The following NCKAP5 variants were observed in gnomAD, a reference collection of about 807,000 sequenced individuals.
NCKAP5 encodes NCK associated protein 5.
NCKAP5 carries 92 observed loss-of-function variants against 167.0 expected under a neutral mutation model. That is an observed-to-expected ratio of 0.55 (90% confidence interval 0.47 to 0.66). The LOEUF (loss-of-function observed/expected upper bound fraction) is 0.66. NCKAP5 is among the 30% of genes least tolerant of loss of function. The pLI is 0.00. For missense variants in NCKAP5, 2,378 were observed against 2,315.0 expected (o/e 1.03, Z -0.56); for synonymous variants, 891 against 877.4 (o/e 1.02, Z -0.27).
Position 133,386,869 on chromosome 2 carries a change from C to T in NCKAP5, c.70-83759G>A, listed in dbSNP as rs193246054. Among the ~76,000 whole-genome samples the T allele has an allele frequency of 7.7e-4, 117 of 152,096 alleles. 1 individual carries two copies. The highest frequency in any genetic ancestry group is 2.8e-3 in the African/African-American group (115 of 41,496). On this transcript the variant is annotated intron_variant, in intron 3 of 19. Coordinates refer to ENST00000409261, the MANE Select transcript of NCKAP5 (RefSeq NM_207363.3). ...TTTATCAGAGACTAGGATTGCAACC[C>T]CTGCCTTTTTTTTGTTTTCCTTTTG...
intron 3 of NCKAP5, among the ~76,000 whole-genome samples, chr2:133,429,007 T>A (rs1236674452): frequency 6.6e-6 from 1 of 152,146 alleles, no homozygotes; most frequent in Non-Finnish European, 1.5e-5. Flanking sequence ...CAGCAGTCAC[T>A]TTTAGGAATC....
intron 19 of NCKAP5, among the ~76,000 whole-genome samples, chr2:132,689,329 T>C (rs772435312): frequency 2.0e-5 from 3 of 152,146 alleles, no homozygotes; most frequent in Non-Finnish European, 2.9e-5. Flanking sequence ...GAGTAACCCA[T>C]TGGGCTGAAC....
At position 132,939,141 on chromosome 2, in the gene NCKAP5, CT is replaced by C. The variant is rs746109589; in HGVS notation, c.579+24578del. Among the ~76,000 whole-genome samples, 113 of 152,124 alleles carry C rather than the reference CT, an allele frequency of 7.4e-4. 2 individuals are homozygous for C. Among genetic ancestry groups the C allele is most frequent in the Non-Finnish European group, 1.0e-3 (70 of 67,996 alleles). On this transcript the variant is annotated intron_variant, in intron 8 of 19. Coordinates refer to ENST00000409261, the MANE Select transcript of NCKAP5 (RefSeq NM_207363.3). ...TAGTGATGATATGAAAAAAAATGAC[CT>C]TTTAAAAACACTTAAACGGTTAACT... is the stretch of plus-strand genomic sequence containing the variant.
intron 15 of NCKAP5, among the ~76,000 whole-genome samples, chr2:132,776,176 G>T (rs867491824): frequency 2.5e-4 from 38 of 152,226 alleles, no homozygotes; most frequent in African/African-American, 8.4e-4. Context: ...ACCTTCCAAA[G>T]AACTACTCTT....
chr2:133,571,057 G>T (rs1441008858), upstream of NCKAP5, among the ~76,000 whole-genome samples: 2 of 152,282 alleles, frequency 1.3e-5, no homozygotes, highest in East Asian at 3.9e-4. Flanking sequence ...TTTCCACCAA[G>T]ATAGGATAGA....
chr2:133,117,605 G>C (rs1255847266), intron 6 of NCKAP5: 1 of 152,166 alleles, frequency 6.6e-6, no homozygotes, highest in Non-Finnish European at 1.5e-5. Context: ...AACATATCAT[G>C]TGCTTTGGTG....
chr2:133,054,510 AC>A (rs1225607113), intron 6 of NCKAP5, among the ~76,000 whole-genome samples: 4 of 152,162 alleles, frequency 2.6e-5, no homozygotes, highest in African/African-American at 9.7e-5. Context: ...ATTCCAAGGA[AC>A]CGTGTGAGCA....
rs560852804 is a variant in NCKAP5, at chr2:132,675,307, T to G, written c.5714-2002A>C. On this transcript the variant is annotated intron_variant, in intron 19 of 19. Transcript: ENST00000409261. ...CACGGGCTGAGTGCTACAAGCATCC[T>G]TCTTCAGGTGTAAAATGGTGATAAG... 3.3e-5 allele frequency among the ~76,000 whole-genome samples: 5 copies of G among 152,342 alleles called. No individual in the cohort carries two copies. In the East Asian group the frequency reaches 9.6e-4, roughly 29 times the overall value.
the NCKAP5 span, among the ~76,000 whole-genome samples, chr2:133,674,641 C>T: frequency 6.8e-6 from 1 of 146,192 alleles, no homozygotes; most frequent in Non-Finnish European, 1.5e-5. Context: ...ATTCAAGGAA[C>T]AAAAAAAAAA....
intron 3 of NCKAP5, among the ~76,000 whole-genome samples, chr2:133,342,773 T>C (rs1396999405): frequency 6.6e-6 from 1 of 152,188 alleles, no homozygotes; most frequent in Non-Finnish European, 1.5e-5. Flanking sequence ...ACTGTGTTCT[T>C]TGTTCAAGTG....
At chr2:132,947,995 C>T (rs1170437092) in intron 8 of NCKAP5, among the ~76,000 whole-genome samples, 4 of 152,148 alleles carry the variant, frequency 2.6e-5, no homozygotes, top group South Asian at 4.1e-4. Context: ...TGGGGGATTG[C>T]GAAGTCTTTC....
chr2:132,796,116 C>T (rs1684585129), intron 12 of NCKAP5, among the ~76,000 whole-genome samples: 1 of 151,958 alleles, frequency 6.6e-6, no homozygotes, highest in African/African-American at 2.4e-5. Context: ...TGTTTTAAGC[C>T]TCACGTTTTT....
In NCKAP5 at chr2:133,436,595, G is replaced by T. The variant is rs573119844; in HGVS notation, c.69+80863C>A. 1.1e-4 allele frequency among the ~76,000 whole-genome samples: 17 copies of T among 152,226 alleles called. No individual in the cohort carries two copies. The South Asian group carries it at 3.3e-3, about 30-fold the overall frequency. Reference sequence around the variant, plus strand: ...CGGCCTCACAGCTAGTTCCCCACCTGCAGGTGCCTTTTCCTACCTGTGCTT... The same window carrying T: ...CGGCCTCACAGCTAGTTCCCCACCTTCAGGTGCCTTTTCCTACCTGTGCTT... On this transcript the variant is annotated intron_variant, in intron 3 of 19. Coordinates refer to ENST00000409261, the MANE Select transcript of NCKAP5 (RefSeq NM_207363.3).
intron 3 of NCKAP5, among the ~76,000 whole-genome samples, chr2:133,447,846 G>A (rs1691302194): frequency 6.6e-6 from 1 of 152,022 alleles, no homozygotes. Context: ...CTCTACCTGT[G>A]GCCTTCATCA....
chr2:132,681,840 C>G (rs557718823), intron 19 of NCKAP5, among the ~76,000 whole-genome samples: 14 of 152,286 alleles, frequency 9.2e-5, no homozygotes, highest in African/African-American at 3.4e-4. Flanking sequence ...CATTTAGGAG[C>G]CACAGTGCAT....
At chr2:133,323,995 TGA>T (rs1682253053) in intron 3 of NCKAP5, among the ~76,000 whole-genome samples, 1 of 152,230 alleles carries the variant, frequency 6.6e-6, no homozygotes, top group African/African-American at 2.4e-5. Flanking sequence ...CCTAGCTATG[TGA>T]GTTAGACTCT....
rs1376505811 is a variant in NCKAP5, at chr2:133,352,981, C to T, written c.70-49871G>A. Reference sequence around the variant, plus strand: ...CTCTTGTGACTCCACAGCTCTTTTGCCAAACATGCAAGCTTGTCTTGTTAG... The same window carrying T: ...CTCTTGTGACTCCACAGCTCTTTTGTCAAACATGCAAGCTTGTCTTGTTAG... On this transcript the variant is annotated intron_variant, in intron 3 of 19. Transcript: ENST00000409261. Among the ~76,000 whole-genome samples the T allele has an allele frequency of 1.3e-5, 2 of 152,186 alleles. 1 individual carries two copies. The highest frequency in any genetic ancestry group is 4.1e-4 in the South Asian group (2 of 4,828).
the NCKAP5 span, among the ~76,000 whole-genome samples, chr2:133,649,426 C>T: frequency 6.6e-6 from 1 of 151,420 alleles, no homozygotes; most frequent in African/African-American, 2.4e-5. Flanking sequence ...AGAAAGACAA[C>T]ACAAAAAAAG....
At chr2:132,821,792 C>T (rs954853293) in intron 11 of NCKAP5, among the ~76,000 whole-genome samples, 1 of 152,052 alleles carries the variant, frequency 6.6e-6, no homozygotes, top group South Asian at 2.1e-4. Flanking sequence ...CAGAGACAGC[C>T]AACATCCCCT....
Sources: gnomAD v4.1 joint callset for allele counts (sites outside exome capture counted in the v4.1 genomes callset) on GRCh38, gnomAD v4.1.1 for gene constraint, MANE v1.5 for transcripts, NCBI Gene and HGNC (gene_info 2026-07-23, HGNC 2026-07-21) for gene names.